ZMYM2: variants seen among roughly 807,000 people sequenced by gnomAD.
ZMYM2 encodes zinc finger MYM-type containing 2, also known as zinc finger MYM-type protein 2.
In ZMYM2, 56 loss-of-function variants were observed where a neutral mutation model predicts 162.8. That is an observed-to-expected ratio of 0.34 (90% confidence interval 0.28 to 0.43). The LOEUF (loss-of-function observed/expected upper bound fraction) is 0.43, where lower values mean the gene tolerates loss of function less well. Ranked by LOEUF, ZMYM2 falls within the 20% of genes least tolerant of loss-of-function variation. ZMYM2 has a pLI of 1.00. For synonymous variants in ZMYM2, 510 were observed against 541.6 expected (o/e 0.94, Z 0.81); for missense variants, 1,275 against 1,621.8 (o/e 0.79, Z 3.67).
chr13:19,970,148 A>G (rs1189968612), intron 2 of ZMYM2: 1 of 745,312 alleles, frequency 1.3e-6, no homozygotes, highest in Non-Finnish European at 1.6e-6. Context: ...CAGTCATTAC[A>G]CTAGATCATA....
chr13:20,049,443 ATAC>A (rs1257751584), intron 12 of ZMYM2, among the ~76,000 whole-genome samples: 1 of 152,058 alleles, frequency 6.6e-6, no homozygotes, highest in Admixed American at 6.5e-5. Context: ...ATAAACGGAA[ATAC>A]TACTACTAAG....
intron 21 of ZMYM2, chr13:20,071,918 T>G (rs1280752054): frequency 2.1e-5 from 4 of 192,182 alleles, no homozygotes; most frequent in Non-Finnish European, 4.5e-5. Flanking sequence ...TGGCCAGCAC[T>G]TTCTAGTAAG....
chr13:20,022,548 C>CT (rs1175683226), intron 7 of ZMYM2, among the ~76,000 whole-genome samples: 2 of 151,922 alleles, frequency 1.3e-5, no homozygotes, highest in Middle Eastern at 3.4e-3. Context: ...CATCTGTTGT[C>CT]AATTAGAAAA....
At chr13:20,047,870 C>T (rs1004437947) in intron 12 of ZMYM2, among the ~76,000 whole-genome samples, 1 of 152,078 alleles carries the variant, frequency 6.6e-6, no homozygotes, top group East Asian at 1.9e-4. Flanking sequence ...CTCCCAGATA[C>T]CTTTTTAGAA....
chr13:19,875,083 A>G, the ZMYM2 span, among the ~76,000 whole-genome samples: 2 of 152,210 alleles, frequency 1.3e-5, no homozygotes, highest in Non-Finnish European at 1.5e-5. Flanking sequence ...CCCAAAGGAA[A>G]ATAAATTGTT....
At chr13:19,873,338 A>T in the ZMYM2 span, among the ~76,000 whole-genome samples, 1 of 151,902 alleles carries the variant, frequency 6.6e-6, no homozygotes, top group East Asian at 1.9e-4. Context: ...TGACACTGAC[A>T]GTTTTGAAGA....
intron 2 of ZMYM2, among the ~76,000 whole-genome samples, chr13:19,989,519 G>T (rs559720201): frequency 6.6e-6 from 1 of 152,198 alleles, no homozygotes; most frequent in East Asian, 1.9e-4. Context: ...GGCCAGACTG[G>T]TCTCTAACTC....
In ZMYM2 at chr13:20,085,990, T is replaced by C. The variant is rs200564632; in HGVS notation, c.4110T>C (p.Tyr1370=). 71 of 1,613,506 alleles carry C rather than the reference T, an allele frequency of 4.4e-5. No homozygotes were observed. Among genetic ancestry groups the C allele is most frequent in the Non-Finnish European group, 5.6e-5 (66 of 1,179,660 alleles). The part of the protein sequence containing the change: ...LVKDIYDKDN[Y]ELDEDTD ...AAGATATTTATGATAAAGACAATTA[T>C]GAACTGGATGAAGACACAGACTAAA... Residue 1370 remains tyrosine, a synonymous_variant, in exon 25 of 25, where the codon TAT becomes TAC. Transcript: ENST00000610343.
chr13:20,061,338 G>A, intron 17 of ZMYM2, 114 bp downstream of exon 17: 3 of 1,186,994 alleles, frequency 2.5e-6, no homozygotes, highest in Non-Finnish European at 3.5e-6. Flanking sequence ...TGGGGGTGAG[G>A]AAAGCATTGT....
At chr13:19,873,395 T>TA in the ZMYM2 span, among the ~76,000 whole-genome samples, 41 of 149,172 alleles carry the variant, frequency 2.7e-4, no homozygotes, top group African/African-American at 9.1e-4. Flanking sequence ...TTTATTTATT[T>TA]ATTTATTTAT....
rs76170990 is a variant in ZMYM2 at position 19,988,035 on chromosome 13, C to T, written c.-10-5028C>T. Among the ~76,000 whole-genome samples the T allele has an allele frequency of 5.1e-3, 781 of 152,292 alleles. 6 individuals carry two copies. The highest frequency in any genetic ancestry group is 9.5e-3 in the Non-Finnish European group (643 of 68,024). On this transcript the variant is annotated intron_variant, in intron 2 of 24. Coordinates refer to ENST00000610343, the MANE Select transcript of ZMYM2 (RefSeq NM_197968.4). ...GAGGAATAGAGACTGGTTTTGAAACCGAGCTCTGTGTATAGTGTTTGAATC... is the reference window on the plus strand; with the variant it reads ...GAGGAATAGAGACTGGTTTTGAAACTGAGCTCTGTGTATAGTGTTTGAATC...
Position 20,087,941 on chromosome 13 carries a change from A to G in ZMYM2, c.*1927A>G, listed in dbSNP as rs1464926118. 1.5e-5 allele frequency: 3 copies of G among 193,844 alleles called. No individual in the cohort carries two copies. 12.0% of individuals were successfully genotyped at this position (193,844 alleles called of 1,614,324 possible). A position where few individuals can be genotyped will look rare whatever the true frequency, so the allele number is the denominator to read the frequency against. On this transcript the variant is annotated 3_prime_UTR_variant, in exon 25 of 25. Coordinates refer to ENST00000610343, the MANE Select transcript of ZMYM2 (RefSeq NM_197968.4). ...GATTAAAAGGTGGTTAATTCTAACC[A>G]TCTTTTAGTCTTCAAAGTGGTGCTA...
chr13:20,006,180 C>G (rs1000676366), intron 5 of ZMYM2, among the ~76,000 whole-genome samples, 194 bp from the exon 6 acceptor site: 4 of 151,172 alleles, frequency 2.6e-5, no homozygotes, highest in Non-Finnish European at 4.4e-5. Context: ...CTGCAGTCAG[C>G]TTTGATGGTG....
intron 21 of ZMYM2, chr13:20,071,119 T>C (rs561955101): frequency 6.6e-6 from 1 of 152,422 alleles, no homozygotes; most frequent in South Asian, 2.1e-4. Context: ...AGAGTCTTGC[T>C]CTGTCATCCA....
intron 21 of ZMYM2, among the ~76,000 whole-genome samples, chr13:20,073,803 T>G (rs1467443711): frequency 2.0e-5 from 3 of 151,434 alleles, no homozygotes; most frequent in Admixed American, 6.6e-5. Context: ...TGTAATAAAT[T>G]ATGAAGTATG....
intron 17 of ZMYM2, 145 bp downstream of exon 17, chr13:20,061,369 T>TCGGC: frequency 4.3e-6 from 3 of 692,182 alleles, no homozygotes; most frequent in Non-Finnish European, 6.2e-6. Flanking sequence ...TTTTTTATAT[T>TCGGC]AAGAGATCTA....
At chr13:19,988,089 T>G (rs1321777106) in intron 2 of ZMYM2, among the ~76,000 whole-genome samples, 1 of 152,212 alleles carries the variant, frequency 6.6e-6, no homozygotes, top group Non-Finnish European at 1.5e-5. Flanking sequence ...TTGGGCAGTT[T>G]TAATTAATGT....
At chr13:19,891,904 T>C in the ZMYM2 span, among the ~76,000 whole-genome samples, 2 of 151,950 alleles carry the variant, frequency 1.3e-5, no homozygotes, top group African/African-American at 4.9e-5. Context: ...TTTGTATAAA[T>C]CCAGGTTTCT....
intron 12 of ZMYM2, among the ~76,000 whole-genome samples, chr13:20,039,427 CTT>C (rs1183245982): frequency 6.9e-6 from 1 of 144,904 alleles, no homozygotes; most frequent in Non-Finnish European, 1.5e-5. Context: ...ATAGATGACT[CTT>C]TATTATTTTG....
Sources: allele counts gnomAD v4.1 joint callset (sites outside exome capture counted in the v4.1 genomes callset), GRCh38; gene constraint gnomAD v4.1.1; transcripts MANE v1.5; gene names NCBI Gene and HGNC (gene_info 2026-07-23, HGNC 2026-07-21).